Variants in RBFOX1 observed in about 807,000 individuals in gnomAD.
RBFOX1 encodes the protein RNA binding protein fox-1 homolog 1.
In RBFOX1, 8 loss-of-function variants were observed where a neutral mutation model predicts 57.7. That is an observed-to-expected ratio of 0.14 (90% CI 0.08 to 0.25). The LOEUF (loss-of-function observed/expected upper bound fraction) is 0.25, where lower values mean the gene tolerates loss of function less well. RBFOX1 is among the 10% of genes least tolerant of loss of function. RBFOX1 has a pLI of 1.00. For synonymous variants in RBFOX1, 326 were observed against 222.4 expected, an observed-to-expected ratio of 1.47 and a Z score of -4.15; for missense variants, 611 against 548.5, an observed-to-expected ratio of 1.11 and a Z score of -1.14.
intron 4 of RBFOX1, among the ~76,000 whole-genome samples, chr16:7,401,224 T>C (rs1016178067): frequency 2.0e-5 from 3 of 152,236 alleles, no homozygotes; most frequent in African/African-American, 7.2e-5. Flanking sequence ...CGTAAAACCA[T>C]TCTCTCTGTG....
At chr16:5,975,677 T>C (rs56290303) in intron 4 of RBFOX1, among the ~76,000 whole-genome samples, 9,634 of 152,234 alleles carry the variant, frequency 0.063, 642 homozygotes, top group East Asian at 0.36. Flanking sequence ...CTCTTGCCCA[T>C]GTTGGAGGAG....
chr16:6,009,612 A>T (rs995798419), intron 4 of RBFOX1, among the ~76,000 whole-genome samples: 1 of 152,078 alleles, frequency 6.6e-6, no homozygotes, highest in African/African-American at 2.4e-5. Flanking sequence ...AGAGCTTGAG[A>T]GCACAGCAAG....
intron 2 of RBFOX1, among the ~76,000 whole-genome samples, chr16:5,545,439 T>C (rs2045154914): frequency 6.6e-6 from 1 of 152,132 alleles, no homozygotes; most frequent in African/African-American, 2.4e-5. Context: ...ATATCTATCA[T>C]GAATATAGAT....
Position 7,518,228 on chromosome 16 carries a change from A to G in RBFOX1, c.109A>G (p.Ile37Val), listed in dbSNP as rs781321986. 8.7e-6 allele frequency: 14 copies of G among 1,614,064 alleles called. No homozygotes were observed. The highest frequency in any genetic ancestry group is 1.2e-5 in the Non-Finnish European group (14 of 1,180,002). ...SAQFAPPQNGIPAEYTAPHPH... is the reference protein window; with the variant it reads ...SAQFAPPQNGVPAEYTAPHPH... ...CCAGTTTGCTCCCCCGCAGAACGGTATCCCCGCGGAATACACGGCCCCTCA... is the reference window on the plus strand; with the variant it reads ...CCAGTTTGCTCCCCCGCAGAACGGTGTCCCCGCGGAATACACGGCCCCTCA... The change falls in exon 5 of 16, where the codon ATC (isoleucine) becomes GTC (valine). Residue 37 changes from isoleucine to valine, a missense_variant. Transcript: ENST00000550418.
intron 1 of RBFOX1, among the ~76,000 whole-genome samples, chr16:6,239,008 A>AT (rs983194981): frequency 7.3e-5 from 11 of 150,868 alleles, no homozygotes; most frequent in South Asian, 2.1e-4. Flanking sequence ...CTTTCTTACT[A>AT]TTTTTTTTTG....
intron 4 of RBFOX1, among the ~76,000 whole-genome samples, chr16:7,148,848 C>A (rs2075564525): frequency 6.6e-6 from 1 of 152,122 alleles, no homozygotes; most frequent in Non-Finnish European, 1.5e-5. Context: ...GCAAAGTGAC[C>A]CTCGGGTCAC....
At chr16:6,346,609 T>C (rs757277795) in intron 2 of RBFOX1, among the ~76,000 whole-genome samples, 9 of 152,210 alleles carry the variant, frequency 5.9e-5, no homozygotes, top group Non-Finnish European at 1.2e-4. Context: ...ACTCTTCTGG[T>C]TCCGATGGCA....
chr16:6,929,144 C>G (rs755663605), intron 3 of RBFOX1, among the ~76,000 whole-genome samples: 3 of 152,118 alleles, frequency 2.0e-5, no homozygotes, highest in South Asian at 2.1e-4. Context: ...TTAAACACAT[C>G]TCTTCTCCTG....
chr16:5,627,936 C>T (rs1240928590), intron 3 of RBFOX1, among the ~76,000 whole-genome samples: 3 of 152,048 alleles, frequency 2.0e-5, no homozygotes, highest in Non-Finnish European at 4.4e-5. Flanking sequence ...ATGATTGTGC[C>T]TAATTAAAAC....
chr16:7,361,865 G>C (rs1485990630), intron 4 of RBFOX1, among the ~76,000 whole-genome samples: 1 of 148,498 alleles, frequency 6.7e-6, no homozygotes, highest in Non-Finnish European at 1.5e-5. Context: ...CTGTGTGTTA[G>C]TGCGTGTGTT....
intron 4 of RBFOX1, among the ~76,000 whole-genome samples, chr16:7,497,124 G>C (rs1600023616): frequency 6.6e-6 from 1 of 152,098 alleles, no homozygotes; most frequent in South Asian, 2.1e-4. Flanking sequence ...TGAATCCCAT[G>C]CCTGGAACTC....
intron 5 of RBFOX1, among the ~76,000 whole-genome samples, 197 bp downstream of exon 5, chr16:7,518,586 G>A (rs1418027718): frequency 6.6e-6 from 1 of 151,950 alleles, no homozygotes; most frequent in Admixed American, 6.6e-5. Context: ...TTAAATCAAC[G>A]GATTATTAAT....
intron 11 of RBFOX1, among the ~76,000 whole-genome samples, chr16:7,644,913 C>G (rs903958808): frequency 6.6e-6 from 1 of 152,132 alleles, no homozygotes; most frequent in South Asian, 2.1e-4. Flanking sequence ...GTCAAGTTCA[C>G]TGTTAGAGCC....
intron 4 of RBFOX1, among the ~76,000 whole-genome samples, chr16:7,197,885 AG>A (rs1189634937): frequency 2.0e-5 from 3 of 152,168 alleles, no homozygotes; most frequent in African/African-American, 7.2e-5. Flanking sequence ...GACAGAAAAC[AG>A]AATGGGGGTT....
chr16:6,583,924 G>C (rs1567771572), intron 2 of RBFOX1, among the ~76,000 whole-genome samples: 1 of 151,392 alleles, frequency 6.6e-6, no homozygotes, highest in Non-Finnish European at 1.5e-5. Flanking sequence ...AAAGAAAGAC[G>C]ATTGTATCTT....
chr16:5,274,969 C>A lies in RBFOX1; in HGVS notation c.219+34864C>A, dbSNP rs1163645382. On this transcript the variant is annotated intron_variant, in intron 1 of 2. Coordinates refer to the RBFOX1 transcript ENST00000585867. ...GGGCTTATCACCTCATGTACTAAGACCGGAGATAGCTGATGCGAAGCTTGG... is the reference window on the plus strand; with the variant it reads ...GGGCTTATCACCTCATGTACTAAGAACGGAGATAGCTGATGCGAAGCTTGG... Among the ~76,000 whole-genome samples, 4 of 152,174 alleles carry A rather than the reference C, an allele frequency of 2.6e-5. No homozygotes were observed. In the East Asian group the frequency reaches 7.7e-4, roughly 29 times the overall value.
chr16:5,943,426 A>T (rs1019289783), intron 4 of RBFOX1, among the ~76,000 whole-genome samples: 2 of 152,228 alleles, frequency 1.3e-5, no homozygotes, highest in African/African-American at 4.8e-5. Context: ...GTGGAGAAAC[A>T]GCAGGAAACA....
chr16:7,543,895 A>AT (rs71150311), intron 5 of RBFOX1, among the ~76,000 whole-genome samples: 126,525 of 151,744 alleles, frequency 0.83, 53,003 homozygotes, highest in Non-Finnish European at 0.88. Context: ...TAATTTTTGT[A>AT]TTTTTAGTAG....
chr16:6,781,134 A>G (rs2154235323), intron 3 of RBFOX1, among the ~76,000 whole-genome samples: 1 of 152,278 alleles, frequency 6.6e-6, no homozygotes, highest in Non-Finnish European at 1.5e-5. Context: ...CAGGTCTTAC[A>G]TTAAATTCTT....
Sources: gnomAD v4.1 joint callset for allele counts (sites outside exome capture counted in the v4.1 genomes callset) on GRCh38, gnomAD v4.1.1 for gene constraint, MANE v1.5 for transcripts, NCBI Gene and HGNC (gene_info 2026-07-23, HGNC 2026-07-21) for gene names.